The following RSU1 variants were observed in gnomAD, a reference collection of about 807,000 sequenced individuals.
RSU1 encodes the protein rsu-1.
A neutral mutation model predicts 31.1 loss-of-function variants in RSU1; 26 were observed. The ratio of observed to expected loss-of-function variants is 0.84; its 90% CI spans 0.61 to 1.16. The LOEUF is 1.16. Among genes scored for constraint, RSU1 ranks in the 50% most tolerant of loss-of-function variants. The pLI, the probability that RSU1 is intolerant of heterozygous loss-of-function variation, is 0.00. For synonymous variants in RSU1, 164 were observed against 136.3 expected (o/e 1.20, Z -1.41); for missense variants, 320 against 339.1 (o/e 0.94, Z 0.44).
chr10:16,719,094 C>A (rs187974474), intron 7 of RSU1, among the ~76,000 whole-genome samples: 1 of 151,954 alleles, frequency 6.6e-6, no homozygotes, highest in East Asian at 1.9e-4. Context: ...GATTGCTTGA[C>A]GGCAGGAGTT....
intron 4 of RSU1, among the ~76,000 whole-genome samples, chr10:16,758,015 C>T (rs796785464): frequency 6.6e-6 from 1 of 152,206 alleles, no homozygotes; most frequent in South Asian, 2.1e-4. Context: ...GGAGCCCCTC[C>T]ACCTCCTGGT....
chr10:16,714,109 A>G (rs1836078077), intron 7 of RSU1, among the ~76,000 whole-genome samples: 1 of 152,120 alleles, frequency 6.6e-6, no homozygotes, highest in Admixed American at 6.5e-5. Context: ...CAGGCTTTTC[A>G]GGGAGGTGGG....
At chr10:16,777,481 A>C (rs974584846) in intron 3 of RSU1, among the ~76,000 whole-genome samples, 1 of 152,226 alleles carries the variant, frequency 6.6e-6, no homozygotes, top group African/African-American at 2.4e-5. Flanking sequence ...AATGTGGTAA[A>C]AACTGCACTG....
intron 8 of RSU1, among the ~76,000 whole-genome samples, chr10:16,614,100 G>A (rs1395869220): frequency 2.6e-5 from 4 of 152,096 alleles, no homozygotes; most frequent in African/African-American, 9.7e-5. Context: ...CTAACATTTA[G>A]GAACAAGAAG....
chr10:16,784,257 T>G (rs1837721987), intron 2 of RSU1, among the ~76,000 whole-genome samples: 1 of 152,036 alleles, frequency 6.6e-6, no homozygotes, highest in Non-Finnish European at 1.5e-5. Flanking sequence ...GATTTAAATG[T>G]TTTTTTGTTT....
chr10:16,810,170 G>A (rs1838379370), intron 2 of RSU1, among the ~76,000 whole-genome samples: 1 of 152,148 alleles, frequency 6.6e-6, no homozygotes, highest in South Asian at 2.1e-4. Flanking sequence ...GGCGGAGGTT[G>A]CAGTGAGCCA....
intron 8 of RSU1, among the ~76,000 whole-genome samples, chr10:16,597,165 G>C (rs1228437332): frequency 6.6e-6 from 1 of 152,330 alleles, no homozygotes. Flanking sequence ...GAGAGGAATT[G>C]ACAAGGCCCT....
intron 7 of RSU1, among the ~76,000 whole-genome samples, chr10:16,750,361 C>G (rs1420069085): frequency 1.3e-5 from 2 of 152,040 alleles, no homozygotes; most frequent in African/African-American, 2.4e-5. Flanking sequence ...ACATACGGCT[C>G]GCAAAAATAA....
chr10:16,789,345 C>T (rs930090037), intron 2 of RSU1, among the ~76,000 whole-genome samples: 7 of 152,042 alleles, frequency 4.6e-5, no homozygotes, highest in African/African-American at 1.4e-4. Context: ...AAAACAAGAG[C>T]AGAAAAGAAA....
chr10:16,808,103 C>T (rs1838314877), intron 2 of RSU1, among the ~76,000 whole-genome samples: 1 of 151,780 alleles, frequency 6.6e-6, no homozygotes, highest in Non-Finnish European at 1.5e-5. Context: ...CCTTGGCATC[C>T]AAGCCTGGCC....
At chr10:16,719,521 C>T (rs539394711) in intron 7 of RSU1, among the ~76,000 whole-genome samples, 20 of 152,312 alleles carry the variant, frequency 1.3e-4, no homozygotes, top group African/African-American at 3.4e-4. Flanking sequence ...TCTTCAGAGA[C>T]GCCTCCTGGA....
At chr10:16,799,123 T>C (rs1332548407) in intron 2 of RSU1, among the ~76,000 whole-genome samples, 13 of 152,164 alleles carry the variant, frequency 8.5e-5, no homozygotes, top group Admixed American at 7.9e-4. Context: ...AGAGACTGTA[T>C]CATAGGAAAT....
intron 8 of RSU1, among the ~76,000 whole-genome samples, chr10:16,664,660 G>A (rs932570665): frequency 6.6e-6 from 1 of 152,088 alleles, no homozygotes; most frequent in African/African-American, 2.4e-5. Flanking sequence ...CGCAAAGAGA[G>A]GTCATTAAAC....
chr10:16,591,709 AATGACTC>A lies in RSU1; in HGVS notation c.*1678_*1684del, dbSNP rs1298015748. On this transcript the variant is annotated 3_prime_UTR_variant, in exon 9 of 9. Coordinates refer to ENST00000345264, the MANE Select transcript of RSU1 (RefSeq NM_012425.4). Reference sequence around the variant, plus strand: ...TCTGGAGTTTTCATCTTTTGAAAAAAATGACTCATAAGAGCCCTTCATATTGTTAGAT... The same window carrying A: ...TCTGGAGTTTTCATCTTTTGAAAAAAATAAGAGCCCTTCATATTGTTAGAT... 3 of 152,154 alleles carry A rather than the reference AATGACTC, an allele frequency of 2.0e-5. No homozygotes were observed. Among genetic ancestry groups the A allele is most frequent in the African/African-American group, 7.2e-5 (3 of 41,418 alleles). 9.4% of individuals were successfully genotyped at this position (152,154 alleles called of 1,614,324 possible). A position where few individuals can be genotyped will look rare whatever the true frequency, so the allele number is the denominator to read the frequency against.
chr10:16,610,559 G>A (rs985796003), intron 8 of RSU1, among the ~76,000 whole-genome samples: 7 of 152,238 alleles, frequency 4.6e-5, no homozygotes, highest in South Asian at 4.1e-4. Context: ...TAGGTTGCAC[G>A]CTCCTTATGA....
intron 4 of RSU1, 68 bp from the exon 5 acceptor site, chr10:16,755,057 CCT>C (rs1390595402): frequency 5.5e-5 from 49 of 885,040 alleles, no homozygotes; most frequent in Non-Finnish European, 9.2e-6. Context: ...ATCAAGGGCA[CCT>C]CTGTTTCAGA....
intron 8 of RSU1, among the ~76,000 whole-genome samples, chr10:16,660,671 G>A (rs946044145): frequency 4.5e-5 from 2 of 44,412 alleles, no homozygotes; most frequent in Non-Finnish European, 7.2e-5. Context: ...TTTTGAGGAA[G>A]GCTCTCGTTC....
chr10:16,604,886 C>A (rs1225603923), intron 8 of RSU1, among the ~76,000 whole-genome samples: 1 of 152,098 alleles, frequency 6.6e-6, no homozygotes, highest in East Asian at 1.9e-4. Context: ...GGAGCTCAAA[C>A]CGCGTGGGAA....
intron 7 of RSU1, among the ~76,000 whole-genome samples, chr10:16,739,110 A>C (rs545914269): frequency 1.6e-4 from 24 of 152,232 alleles, no homozygotes; most frequent in Admixed American, 5.9e-4. Context: ...CCAGTCTATC[A>C]TTGATGGGCA....
Sources: allele counts gnomAD v4.1 joint callset (sites outside exome capture counted in the v4.1 genomes callset), GRCh38; gene constraint gnomAD v4.1.1; transcripts MANE v1.5; gene names NCBI Gene and HGNC (gene_info 2026-07-23, HGNC 2026-07-21).